Variants in RAD54L2 observed in about 807,000 individuals in gnomAD.
RAD54L2 encodes helicase ARIP4.
RAD54L2 carries 27 observed loss-of-function variants against 138.4 expected under a neutral mutation model. The ratio of observed to expected loss-of-function variants is 0.20; its 90% confidence interval spans 0.14 to 0.27. RAD54L2 has a LOEUF of 0.27. RAD54L2 is among the 10% of genes least tolerant of loss of function. The pLI, the probability that RAD54L2 is intolerant of heterozygous loss-of-function variation, is 1.00. For synonymous variants in RAD54L2, 644 were observed against 723.2 expected (o/e 0.89, Z 1.76); for missense variants, 1,396 against 1,890.2 (o/e 0.74, Z 4.85).
In RAD54L2 at chr3:51,645,300, AGAG is replaced by A; in HGVS notation, c.2656+75_2656+77del. On this transcript the variant is annotated intron_variant, in intron 17 of 22. Coordinates refer to ENST00000684192, the MANE Select transcript of RAD54L2 (RefSeq NM_015106.4). This position sits in a 1 kb window ranked among gnomAD's most constrained non-coding sequence, Gnocchi z 6.1. ...CCATCCTTTTAGTATCAAGGGTGGGAGAGGAGCAGGATATGGGAACACAGGCAG... is the reference window on the plus strand; with the variant it reads ...CCATCCTTTTAGTATCAAGGGTGGGAGAGCAGGATATGGGAACACAGGCAG... 6.9e-7 allele frequency: 1 copy of A among 1,438,910 alleles called. No individual in the cohort carries two copies. The highest frequency in any genetic ancestry group is 1.2e-5 in the South Asian group (1 of 81,124). The allele number at this position is 1,438,910 out of a possible 1,614,324, so 89.1% of individuals were successfully genotyped here.
chr3:51,642,803 A>G (rs1474171247), intron 15 of RAD54L2, among the ~76,000 whole-genome samples: 2 of 152,146 alleles, frequency 1.3e-5, no homozygotes, highest in African/African-American at 2.4e-5. Flanking sequence ...GGTGTGGCTC[A>G]GAGCTTGCCC....
rs1701897183 is a variant in RAD54L2, at chr3:51,665,726, G to C, written c.*2306G>C. 6.6e-6 allele frequency: 1 copy of C among 152,146 alleles called. No individual in the cohort carries two copies. Among genetic ancestry groups the C allele is most frequent in the African/African-American group, 2.4e-5 (1 of 41,416 alleles). The allele number at this position is 152,146 out of a possible 1,614,324, so 9.4% of individuals were successfully genotyped here. A position where few individuals can be genotyped will look rare whatever the true frequency, so the allele number is the denominator to read the frequency against. On this transcript the variant is annotated 3_prime_UTR_variant, in exon 23 of 23. Coordinates refer to ENST00000684192, the MANE Select transcript of RAD54L2 (RefSeq NM_015106.4). ...AGCTAGACTGAATCTCCAATTTATG[G>C]GACACACTCAGAACCTGGGTTACAC...
chr3:51,541,370 G>A (rs186778035), intron 1 of RAD54L2: 1 of 152,192 alleles, frequency 6.6e-6, no homozygotes, highest in East Asian at 1.9e-4. Context: ...TGCTGGTATG[G>A]GATTATTTTT....
chr3:51,574,073 C>T (rs888300069), intron 2 of RAD54L2, among the ~76,000 whole-genome samples: 4 of 150,034 alleles, frequency 2.7e-5, no homozygotes, highest in Non-Finnish European at 5.9e-5. Context: ...TCAGTTCCCA[C>T]CCATGAGCGA....
intron 2 of RAD54L2, among the ~76,000 whole-genome samples, chr3:51,552,544 G>T (rs146482818): frequency 3.9e-4 from 58 of 148,766 alleles, no homozygotes; most frequent in African/African-American, 1.3e-3. Flanking sequence ...TTACAGGTGT[G>T]AGCCACTGCG....
chr3:51,608,966 C>G (rs552189057), intron 3 of RAD54L2, among the ~76,000 whole-genome samples: 12 of 152,274 alleles, frequency 7.9e-5, no homozygotes, highest in Admixed American at 5.2e-4. Flanking sequence ...TCTCAGCTCA[C>G]TGCAACCTCC....
At chr3:51,571,712 G>A (rs1012924394) in intron 2 of RAD54L2, among the ~76,000 whole-genome samples, 1 of 151,958 alleles carries the variant, frequency 6.6e-6, no homozygotes, top group Non-Finnish European at 1.5e-5. Flanking sequence ...ATGCATAGTC[G>A]GTTATGTGTA....
rs150924278 is a variant in RAD54L2 at position 51,646,299 on chromosome 3, T to C, written c.2844T>C (p.His948=). Residue 948 remains histidine (H), a synonymous_variant, in exon 19 of 23, where the codon CAT becomes CAC. Coordinates refer to ENST00000684192, the MANE Select transcript of RAD54L2 (RefSeq NM_015106.4). ...TGTGTCCCCAGGAGCCTTTCGAGCA[T>C]GAGTCATTGCTCTTGAACCGAAAGG... ...PHLITKEPFE[H]ESLLLNRKDH... 6.8e-4 allele frequency: 1,084 copies of C among 1,591,044 alleles called. 6 individuals carry two copies. In the African/African-American group the frequency reaches 0.013, roughly 19 times the overall value.
At chr3:51,622,762 G>C (rs1344201958) in intron 3 of RAD54L2, among the ~76,000 whole-genome samples, 1 of 152,202 alleles carries the variant, frequency 6.6e-6, no homozygotes, top group Non-Finnish European at 1.5e-5. Context: ...CCAGCATCCA[G>C]AGAAGGATCT....
At position 51,613,148 on chromosome 3, in the gene RAD54L2, G is replaced by A. The variant is rs147412504; in HGVS notation, c.140-14405G>A. 9.0e-3 allele frequency among the ~76,000 whole-genome samples: 1,375 copies of A among 152,034 alleles called. 23 individuals are homozygous for A. Among genetic ancestry groups the A allele is most frequent in the African/African-American group, 0.031 (1,287 of 41,466 alleles). On this transcript the variant is annotated intron_variant, in intron 3 of 22. Coordinates refer to ENST00000684192, the MANE Select transcript of RAD54L2 (RefSeq NM_015106.4). ...GTAGAGATGGGGTTTCACCACGTTA[G>A]CCAGTGTGGTCTCCATCTGACCTTG...
intron 3 of RAD54L2, among the ~76,000 whole-genome samples, chr3:51,626,173 A>C (rs1204345806): frequency 6.6e-6 from 1 of 151,894 alleles, no homozygotes; most frequent in African/African-American, 2.4e-5. Context: ...AGAGCACCTC[A>C]GTTCTGGCAT....
intron 3 of RAD54L2, among the ~76,000 whole-genome samples, chr3:51,596,736 T>G (rs1699969803): frequency 6.6e-6 from 1 of 152,212 alleles, no homozygotes; most frequent in Admixed American, 6.5e-5. Flanking sequence ...TTATTACCTG[T>G]GCTGGGTTTC....
At chr3:51,560,424 GTC>G (rs1328342429) in intron 2 of RAD54L2, among the ~76,000 whole-genome samples, 3 of 149,066 alleles carry the variant, frequency 2.0e-5, no homozygotes, top group African/African-American at 7.4e-5. Flanking sequence ...CAGTGGTGCA[GTC>G]TCTGCTCACT....
chr3:51,611,101 ATT>A (rs112744976), intron 3 of RAD54L2, among the ~76,000 whole-genome samples: 2 of 145,154 alleles, frequency 1.4e-5, no homozygotes, highest in African/African-American at 2.5e-5. Context: ...CCTTTAACAG[ATT>A]TTTTTTTTTT....
At chr3:51,661,372 T>G (rs1701768814) in intron 22 of RAD54L2, among the ~76,000 whole-genome samples, 1 of 152,234 alleles carries the variant, frequency 6.6e-6, no homozygotes, top group South Asian at 2.1e-4. Flanking sequence ...TAGATATGTC[T>G]TCTTGAAGGT....
At chr3:51,576,950 T>C (rs1183655872) in intron 2 of RAD54L2, among the ~76,000 whole-genome samples, 1 of 152,218 alleles carries the variant, frequency 6.6e-6, no homozygotes, top group Non-Finnish European at 1.5e-5. Context: ...GTGTCAGTTT[T>C]AGATCTTTCC....
Position 51,668,525 on chromosome 3 carries a change from T to G in RAD54L2, c.*5105T>G, listed in dbSNP as rs1701957957. 6.6e-6 allele frequency: 1 copy of G among 152,222 alleles called. No individual in the cohort carries two copies. The allele number at this position is 152,222 out of a possible 1,614,324, so 9.4% of individuals were successfully genotyped here. ...GCCCCAGAGACTGGGCAACTGGCTGTTTCTATGACGTATTTATTTTTACTT... is the reference window on the plus strand; with the variant it reads ...GCCCCAGAGACTGGGCAACTGGCTGGTTCTATGACGTATTTATTTTTACTT... On this transcript the variant is annotated 3_prime_UTR_variant, in exon 23 of 23. Transcript: ENST00000684192.
rs775619874 is a variant in RAD54L2, at chr3:51,667,871, T to C, written c.*4451T>C. ...GGGACCTGAGTGTGCACCTTTCCCT[T>C]TTGCAGGTCTATTTGACATAGTAAT... is the stretch of plus-strand genomic sequence containing the variant. On this transcript the variant is annotated 3_prime_UTR_variant, in exon 23 of 23. Coordinates refer to ENST00000684192, the MANE Select transcript of RAD54L2 (RefSeq NM_015106.4). 2 of 152,166 alleles carry C rather than the reference T, an allele frequency of 1.3e-5. No individual in the cohort carries two copies. The highest frequency in any genetic ancestry group is 2.4e-5 in the African/African-American group (1 of 41,418). The allele number at this position is 152,166 out of a possible 1,614,324, so 9.4% of individuals were successfully genotyped here.
intron 2 of RAD54L2, among the ~76,000 whole-genome samples, chr3:51,574,140 C>T (rs1699407696): frequency 6.6e-6 from 1 of 152,034 alleles, no homozygotes; most frequent in Non-Finnish European, 1.5e-5. Flanking sequence ...ATGATGGTTT[C>T]CAGCTTCATC....
Sources: allele counts gnomAD v4.1 joint callset (sites outside exome capture counted in the v4.1 genomes callset), GRCh38; gene constraint gnomAD v4.1.1; non-coding constraint Gnocchi (gnomAD v3.1); transcripts MANE v1.5; gene names NCBI Gene and HGNC (gene_info 2026-07-23, HGNC 2026-07-21).